The following CCDC85C variants were observed in gnomAD, a reference collection of about 807,000 sequenced individuals.
CCDC85C encodes the protein coiled-coil domain-containing protein 85C.
Under a neutral mutation model 38.3 loss-of-function variants are expected in CCDC85C, and 18 were observed. The observed-to-expected ratio is 0.47, with a 90% confidence interval of 0.33 to 0.70. The LOEUF (loss-of-function observed/expected upper bound fraction) is 0.70, where lower values mean the gene tolerates loss of function less well. CCDC85C is among the 30% of genes least tolerant of loss of function. The pLI is 0.03. For synonymous variants in CCDC85C, 264 were observed against 293.8 expected (o/e 0.90, Z 1.04); for missense variants, 566 against 621.2 (o/e 0.91, Z 0.94).
At chr14:99,580,000 AACCCCACAT>A (rs752096459) in intron 1 of CCDC85C, 35 of 454,872 alleles carry the variant, frequency 7.7e-5, no homozygotes, top group Admixed American at 2.4e-4. Flanking sequence ...CACCATGACA[AACCCCACAT>A]ACCCCACATA....
At chr14:99,537,926 A>G (rs1467073466) in intron 1 of CCDC85C, among the ~76,000 whole-genome samples, 1 of 152,122 alleles carries the variant, frequency 6.6e-6, no homozygotes, top group Non-Finnish European at 1.5e-5. Context: ...CATGTCCTGT[A>G]CCCTACTAAC....
At chr14:99,549,976 G>T (rs1034919665) in intron 1 of CCDC85C, among the ~76,000 whole-genome samples, 4 of 152,182 alleles carry the variant, frequency 2.6e-5, no homozygotes, top group Admixed American at 6.5e-5. Context: ...AGTGTAGTGC[G>T]GGGGAAGAAA....
At chr14:99,601,261 C>A (rs1469351874) in intron 1 of CCDC85C, among the ~76,000 whole-genome samples, 7 of 152,224 alleles carry the variant, frequency 4.6e-5, no homozygotes, top group African/African-American at 1.4e-4. Flanking sequence ...CAGTCCTGTG[C>A]TAAGTGGGCT....
chr14:99,592,907 C>T (rs1157455566), intron 1 of CCDC85C, among the ~76,000 whole-genome samples: 1 of 152,220 alleles, frequency 6.6e-6, no homozygotes, highest in East Asian at 1.9e-4. Flanking sequence ...GGGGAGCCTT[C>T]CCCTGCCAGC....
At chr14:99,566,259 T>C (rs1009946118) in intron 1 of CCDC85C, among the ~76,000 whole-genome samples, 4 of 152,240 alleles carry the variant, frequency 2.6e-5, no homozygotes, top group African/African-American at 7.2e-5. Context: ...ATTTACCATG[T>C]GCCAGGCACA....
intron 1 of CCDC85C, among the ~76,000 whole-genome samples, chr14:99,542,277 A>C (rs1897728666): frequency 6.6e-6 from 1 of 152,240 alleles, no homozygotes; most frequent in Admixed American, 6.5e-5. Flanking sequence ...AACAAGGTGC[A>C]AAGGTGCACC....
At chr14:99,581,266 G>A (rs1310560830) in intron 1 of CCDC85C, among the ~76,000 whole-genome samples, 1 of 152,228 alleles carries the variant, frequency 6.6e-6, no homozygotes, top group Non-Finnish European at 1.5e-5. Context: ...AAGGCAGGAT[G>A]GACAGGGCCT....
chr14:99,569,576 G>A lies in CCDC85C; in HGVS notation c.794-33488C>T, dbSNP rs368470087. Among the ~76,000 whole-genome samples, 1 of 152,148 alleles carries A rather than the reference G, an allele frequency of 6.6e-6. No individual in the cohort carries two copies. Among genetic ancestry groups the A allele is most frequent in the Non-Finnish European group, 1.5e-5 (1 of 68,032 alleles). ...AACAGACAAGAGACAGTGATTCAACGGTCCCAGGCCAAAAAGCCAGGACAC... is the reference window on the plus strand; with the variant it reads ...AACAGACAAGAGACAGTGATTCAACAGTCCCAGGCCAAAAAGCCAGGACAC... On this transcript the variant is annotated intron_variant, in intron 1 of 5. Coordinates refer to ENST00000380243, the MANE Select transcript of CCDC85C (RefSeq NM_001144995.2). The surrounding 1 kb of genome is among the most constrained non-coding windows in gnomAD (Gnocchi z 4.3).
intron 1 of CCDC85C, among the ~76,000 whole-genome samples, chr14:99,575,296 G>A (rs1241450727): frequency 6.6e-6 from 1 of 152,212 alleles, no homozygotes; most frequent in Non-Finnish European, 1.5e-5. Flanking sequence ...GAACCTGGGA[G>A]AGGCCCCATG....
At position 99,507,540 on chromosome 14, in the gene CCDC85C, T is replaced by A. The variant is rs1426228077; in HGVS notation, c.*7706A>T. The A allele has an allele frequency of 1.1e-5, 2 of 185,068 alleles. No homozygotes were observed. Among genetic ancestry groups the A allele is most frequent in the African/African-American group, 4.7e-5 (2 of 42,662 alleles). The allele number at this position is 185,068 out of a possible 1,614,324, so 11.5% of individuals were successfully genotyped here. A position where few individuals can be genotyped will look rare whatever the true frequency, so the allele number is the denominator to read the frequency against. ...ATGATTGCACCACCGTACTCCAGCC[T>A]GGGTGAGAGGGAGACCGTGTCTCAA... On this transcript the variant is annotated 3_prime_UTR_variant, in exon 6 of 6. Transcript: ENST00000380243.
rs1226844309 is a variant in CCDC85C, at chr14:99,536,093, A to G, written c.794-5T>C. On this transcript the variant is annotated splice_region_variant and splice_polypyrimidine_tract_variant and intron_variant, in intron 1 of 5. Coordinates refer to ENST00000380243, the MANE Select transcript of CCDC85C (RefSeq NM_001144995.2). ...TGATGTAGGTGGATGAGGGATCTGG[A>G]AGGACACAAGAGGAAGGGGGACATT... 4 of 1,547,656 alleles carry G rather than the reference A, an allele frequency of 2.6e-6. No individual in the cohort carries two copies. The highest frequency in any genetic ancestry group is 3.5e-6 in the Non-Finnish European group (4 of 1,143,426).
Position 99,554,246 on chromosome 14 carries a change from A to C in CCDC85C, c.794-18158T>G, listed in dbSNP as rs182701592. 4.2e-3 allele frequency among the ~76,000 whole-genome samples: 638 copies of C among 151,880 alleles called. 4 individuals carry two copies. The highest frequency in any genetic ancestry group is 0.014 in the African/African-American group (598 of 41,388). On this transcript the variant is annotated intron_variant, in intron 1 of 5. Coordinates refer to ENST00000380243, the MANE Select transcript of CCDC85C (RefSeq NM_001144995.2). ...CCCCCATGGCACTGTGCTTCTAACC[A>C]AGCCCGGGACTGTGGCCATCCCAGC... is the stretch of plus-strand genomic sequence containing the variant.
chr14:99,537,843 C>T (rs1322960052), intron 1 of CCDC85C, among the ~76,000 whole-genome samples: 1 of 152,170 alleles, frequency 6.6e-6, no homozygotes. Flanking sequence ...TGGGAAGAGG[C>T]CTCAGCATTC....
intron 1 of CCDC85C, among the ~76,000 whole-genome samples, chr14:99,581,782 G>A (rs886169458): frequency 6.6e-6 from 1 of 152,234 alleles, no homozygotes; most frequent in Non-Finnish European, 1.5e-5. Context: ...GGCCCCAGAT[G>A]TGAGCAGCTA....
At chr14:99,549,464 C>G (rs922246048) in intron 1 of CCDC85C, among the ~76,000 whole-genome samples, 1 of 152,180 alleles carries the variant, frequency 6.6e-6, no homozygotes, top group African/African-American at 2.4e-5. Context: ...TGGTAGGAAG[C>G]CACCCACCAG....
intron 1 of CCDC85C, among the ~76,000 whole-genome samples, chr14:99,565,826 A>AAGGCC (rs1012949190): frequency 2.0e-5 from 3 of 152,206 alleles, no homozygotes; most frequent in African/African-American, 7.2e-5. Context: ...GGGTTTCCAG[A>AAGGCC]AGGCCAGGCC....
intron 2 of CCDC85C, among the ~76,000 whole-genome samples, chr14:99,531,290 T>A (rs1185308500): frequency 6.6e-6 from 1 of 152,114 alleles, no homozygotes; most frequent in Non-Finnish European, 1.5e-5. Flanking sequence ...GCTGGCTTTT[T>A]TGGCGCACAA....
chr14:99,564,817 A>G (rs1898184153), intron 1 of CCDC85C, among the ~76,000 whole-genome samples: 1 of 152,206 alleles, frequency 6.6e-6, no homozygotes, highest in African/African-American at 2.4e-5. Context: ...CTAGGAACCC[A>G]GCCAACCTGA....
At chr14:99,531,833 A>T (rs1021501280) in intron 2 of CCDC85C, among the ~76,000 whole-genome samples, 4 of 152,228 alleles carry the variant, frequency 2.6e-5, no homozygotes, top group Non-Finnish European at 5.9e-5. Flanking sequence ...TTAGGACAGC[A>T]TCTCATTCAA....
Sources: allele counts gnomAD v4.1 joint callset (sites outside exome capture counted in the v4.1 genomes callset), GRCh38; gene constraint gnomAD v4.1.1; non-coding constraint Gnocchi (gnomAD v3.1); transcripts MANE v1.5; gene names NCBI Gene and HGNC (gene_info 2026-07-23, HGNC 2026-07-21).